Variants in TRIQK observed in about 807,000 individuals in gnomAD.
TRIQK encodes triple QxxK/R motif containing, also known as triple QxxK/R motif-containing protein.
Under a neutral mutation model 10.8 loss-of-function variants are expected in TRIQK, and 10 were observed. That is an observed-to-expected ratio of 0.92 (90% CI 0.57 to 1.57). The LOEUF (loss-of-function observed/expected upper bound fraction) is 1.57, where lower values mean the gene tolerates loss of function less well. Ranked by LOEUF, TRIQK falls within the 40% of genes most tolerant of loss-of-function variation. The pLI is 0.00. For missense variants in TRIQK, 107 were observed against 97.7 expected (o/e 1.09, Z -0.40); for synonymous variants, 33 against 33.7 (o/e 0.98, Z 0.07).
At chr8:92,927,061 T>C (rs1183481154) in intron 2 of TRIQK, among the ~76,000 whole-genome samples, 1 of 151,560 alleles carries the variant, frequency 6.6e-6, no homozygotes, top group Non-Finnish European at 1.5e-5. Flanking sequence ...CTAAAAAGTA[T>C]AAAAATAAAA....
At chr8:92,979,684 A>G (rs1812966797) in intron 1 of TRIQK, among the ~76,000 whole-genome samples, 1 of 151,928 alleles carries the variant, frequency 6.6e-6, no homozygotes. Flanking sequence ...TATTACTCAA[A>G]TATTATAGTT....
At chr8:93,005,945 T>C (rs1375890571) in intron 1 of TRIQK, among the ~76,000 whole-genome samples, 1 of 151,556 alleles carries the variant, frequency 6.6e-6, no homozygotes. Flanking sequence ...ATCTAATAAA[T>C]GAATTTAGTA....
chr8:92,949,781 A>AG (rs1491565820), intron 2 of TRIQK, among the ~76,000 whole-genome samples: 18 of 89,956 alleles, frequency 2.0e-4, no homozygotes, highest in African/African-American at 8.1e-4. Context: ...GGAAAGAAAG[A>AG]AAAAGAAAGA....
chr8:93,006,461 G>A (rs557456225), intron 1 of TRIQK, among the ~76,000 whole-genome samples: 15 of 152,274 alleles, frequency 9.9e-5, no homozygotes, highest in South Asian at 2.1e-4. Flanking sequence ...GATCCCCCTC[G>A]TGAGCTGACG....
chr8:92,949,548 G>A (rs2130652105), intron 2 of TRIQK, among the ~76,000 whole-genome samples: 1 of 150,158 alleles, frequency 6.7e-6, no homozygotes, highest in Non-Finnish European at 1.5e-5. Context: ...AGGAAGGAAG[G>A]AAGGAAGGAA....
rs1418885155 is a variant in TRIQK at position 92,891,987 on chromosome 8, A to T, written c.147+2T>A. On this transcript the variant is annotated splice_donor_variant, in intron 4 of 4. Transcript: ENST00000521988. LOFTEE classifies it high-confidence loss of function. ...TTTTAAAGTTATCAAATAGAGGTTT[A>T]CCTTTATGCCTATTGCTGTTTTCTT... 2 of 1,530,166 alleles carry T rather than the reference A, an allele frequency of 1.3e-6. No individual in the cohort carries two copies. The highest frequency in any genetic ancestry group is 1.2e-5 in the South Asian group (1 of 83,168). 94.8% of individuals were successfully genotyped at this position (1,530,166 alleles called of 1,614,324 possible). A position where few individuals can be genotyped will look rare whatever the true frequency, so the allele number is the denominator to read the frequency against.
intron 2 of TRIQK, among the ~76,000 whole-genome samples, chr8:92,944,013 CA>C (rs963325260): frequency 2.0e-5 from 3 of 151,372 alleles, no homozygotes; most frequent in Admixed American, 1.3e-4. Context: ...CAACTCAATA[CA>C]AAAAAAACCC....
At chr8:92,991,648 G>C (rs759421739) in intron 1 of TRIQK, among the ~76,000 whole-genome samples, 2 of 152,004 alleles carry the variant, frequency 1.3e-5, no homozygotes, top group Admixed American at 6.6e-5. Context: ...TGGAAGTTCC[G>C]GCCCGGGCAA....
At chr8:92,930,195 T>C (rs1810639706) in intron 2 of TRIQK, among the ~76,000 whole-genome samples, 1 of 150,810 alleles carries the variant, frequency 6.6e-6, no homozygotes, top group African/African-American at 2.4e-5. Context: ...CTGGCTAACA[T>C]GGTGAAACAC....
chr8:92,979,713 C>G (rs976181778), intron 1 of TRIQK, among the ~76,000 whole-genome samples: 1 of 151,964 alleles, frequency 6.6e-6, no homozygotes, highest in Non-Finnish European at 1.5e-5. Flanking sequence ...TTCTTAATGG[C>G]AACTACTACA....
intron 4 of TRIQK, among the ~76,000 whole-genome samples, chr8:92,889,128 C>A (rs913335075): frequency 1.3e-5 from 2 of 151,646 alleles, no homozygotes; most frequent in South Asian, 4.1e-4. Context: ...GGTTTCAGAA[C>A]AATGTATTAA....
intron 2 of TRIQK, among the ~76,000 whole-genome samples, chr8:92,937,920 T>C (rs1386598349): frequency 1.3e-5 from 2 of 151,974 alleles, no homozygotes; most frequent in South Asian, 2.1e-4. Context: ...TTAAAAATGA[T>C]AAAAATGCCT....
chr8:92,989,216 C>T (rs1039939940), intron 1 of TRIQK, among the ~76,000 whole-genome samples: 8 of 152,112 alleles, frequency 5.3e-5, no homozygotes, highest in Non-Finnish European at 7.4e-5. Flanking sequence ...GTGTATCAAA[C>T]GTTAACACTA....
chr8:92,996,674 G>T (rs1007916174), intron 1 of TRIQK, among the ~76,000 whole-genome samples: 3 of 151,818 alleles, frequency 2.0e-5, no homozygotes, highest in Non-Finnish European at 2.9e-5. Context: ...ATATTACATA[G>T]TGAAATAAGT....
intron 2 of TRIQK, among the ~76,000 whole-genome samples, chr8:92,947,390 C>T (rs1811600984): frequency 6.6e-6 from 1 of 151,440 alleles, no homozygotes; most frequent in Admixed American, 6.6e-5. Context: ...CGAGACCAAC[C>T]TGGCCAATAT....
At chr8:92,904,477 C>T (rs1047377774) in intron 3 of TRIQK, among the ~76,000 whole-genome samples, 1 of 152,104 alleles carries the variant, frequency 6.6e-6, no homozygotes, top group African/African-American at 2.4e-5. Flanking sequence ...ATCATGGAAA[C>T]CAACTGAGTA....
intron 4 of TRIQK, among the ~76,000 whole-genome samples, chr8:92,891,779 A>G (rs1816777682): frequency 6.6e-6 from 1 of 151,962 alleles, no homozygotes; most frequent in Non-Finnish European, 1.5e-5. Flanking sequence ...GATTCTCTTA[A>G]GTGACACTGT....
At chr8:92,928,511 CACAGTCCT>C (rs1481665334) in intron 2 of TRIQK, among the ~76,000 whole-genome samples, 2 of 152,172 alleles carry the variant, frequency 1.3e-5, no homozygotes, top group Non-Finnish European at 2.9e-5. Context: ...TGGGCCCCAT[CACAGTCCT>C]ACTCAATCAG....
chr8:92,934,105 A>G (rs1475449070), intron 2 of TRIQK, among the ~76,000 whole-genome samples: 3 of 152,062 alleles, frequency 2.0e-5, no homozygotes, highest in Non-Finnish European at 4.4e-5. Flanking sequence ...CTGAAAAAGC[A>G]AGTTCTAGTT....
Sources: gnomAD v4.1 joint callset for allele counts (sites outside exome capture counted in the v4.1 genomes callset) on GRCh38, gnomAD v4.1.1 for gene constraint, MANE v1.5 for transcripts, NCBI Gene and HGNC (gene_info 2026-07-23, HGNC 2026-07-21) for gene names.